PTPRM: variants seen among roughly 807,000 people sequenced by gnomAD.
The protein encoded by PTPRM is receptor-type tyrosine-protein phosphatase mu.
A neutral mutation model predicts 186.7 loss-of-function variants in PTPRM; 47 were observed. The observed-to-expected ratio is 0.25, with a 90% confidence interval of 0.20 to 0.32. PTPRM has a LOEUF of 0.32. Among genes scored for constraint, PTPRM ranks in the 10% least tolerant of loss-of-function variants. PTPRM has a pLI of 1.00. For synonymous variants in PTPRM, 668 were observed against 674.9 expected (o/e 0.99, Z 0.16); for missense variants, 1,494 against 1,865.0 (o/e 0.80, Z 3.66).
intron 20 of PTPRM, among the ~76,000 whole-genome samples, chr18:8,304,482 T>C (rs377584671): frequency 6.6e-6 from 1 of 152,184 alleles, no homozygotes; most frequent in Non-Finnish European, 1.5e-5. Context: ...CTGTTTCATC[T>C]AGTAAAGGCT....
intron 3 of PTPRM, among the ~76,000 whole-genome samples, chr18:7,901,737 A>C (rs1417169922): frequency 1.3e-5 from 2 of 152,234 alleles, no homozygotes; most frequent in African/African-American, 4.8e-5. Context: ...TGGGTGTTTA[A>C]AATAGGTAAT....
chr18:7,889,953 C>T (rs2048985224), intron 3 of PTPRM, among the ~76,000 whole-genome samples: 1 of 152,190 alleles, frequency 6.6e-6, no homozygotes, highest in Non-Finnish European at 1.5e-5. Context: ...GGCCCATGGA[C>T]ATTCAGAAGT....
At position 8,387,078 on chromosome 18, in the gene PTPRM, G is replaced by A. The variant is rs2095780088; in HGVS notation, c.4051G>A (p.Asp1351Asn). 6.2e-7 allele frequency: 1 copy of A among 1,605,296 alleles called. No individual in the cohort carries two copies. ...GTTGCCTTGTTCTTCGTAGCCCCAA[G>A]ATGGATATCGGATGGTGCAGCAATT... ...FRIYNAARPQ[D>N]GYRMVQQFQF... Residue 1351 changes from aspartate to asparagine, a missense_variant, in exon 31 of 33, where the codon GAT (aspartate) becomes AAT (asparagine). Asp to Asn is a conservative substitution (Grantham distance 23). Around this residue, in one of 3 missense-constraint regions of PTPRM, gnomAD observed 1,107 missense variants for 1,350.2 expected, o/e 0.82. Coordinates refer to ENST00000580170, the MANE Select transcript of PTPRM (RefSeq NM_001105244.2).
intron 2 of PTPRM, among the ~76,000 whole-genome samples, chr18:7,812,276 A>G (rs933619472): frequency 1.3e-5 from 2 of 152,132 alleles, no homozygotes; most frequent in Non-Finnish European, 2.9e-5. Flanking sequence ...CATTTTAAAA[A>G]ACCGGTTTTG....
intron 7 of PTPRM, among the ~76,000 whole-genome samples, chr18:8,052,521 G>C (rs2087581399): frequency 6.6e-6 from 1 of 152,170 alleles, no homozygotes. Context: ...TATAGCCTGG[G>C]TGTGGAGTAG....
chr18:8,001,984 TTAAG>T (rs1392513733), intron 7 of PTPRM, among the ~76,000 whole-genome samples: 8 of 152,358 alleles, frequency 5.3e-5, no homozygotes, highest in African/African-American at 1.7e-4. Flanking sequence ...GCTAATGCCA[TTAAG>T]TTTCAGAACT....
intron 2 of PTPRM, among the ~76,000 whole-genome samples, chr18:7,840,243 G>A (rs1012906570): frequency 1.3e-5 from 2 of 152,126 alleles, no homozygotes; most frequent in Non-Finnish European, 2.9e-5. Flanking sequence ...CTTTTTTAGT[G>A]TAGATAGGTG....
intron 1 of PTPRM, among the ~76,000 whole-genome samples, chr18:7,616,719 C>G (rs1445583990): frequency 6.6e-6 from 1 of 152,158 alleles, no homozygotes; most frequent in African/African-American, 2.4e-5. Context: ...AAGCTGCAGC[C>G]AGTTTGTGCT....
chr18:8,120,970 AG>A (rs1314703685), intron 13 of PTPRM, among the ~76,000 whole-genome samples: 1 of 152,224 alleles, frequency 6.6e-6, no homozygotes, highest in Admixed American at 6.5e-5. Flanking sequence ...TAACCATCTT[AG>A]AAATAACATT....
intron 3 of PTPRM, among the ~76,000 whole-genome samples, chr18:7,904,057 CTAA>C (rs1219326205): frequency 2.8e-4 from 43 of 152,170 alleles, no homozygotes; most frequent in African/African-American, 8.7e-4. Context: ...TTCGTATGAA[CTAA>C]TGAGATAATG....
At chr18:7,995,865 TG>T (rs1309123108) in intron 7 of PTPRM, 1 of 152,192 alleles carries the variant, frequency 6.6e-6, no homozygotes, top group Non-Finnish European at 1.5e-5. Flanking sequence ...GCAGGCAAAT[TG>T]TTTTGAGAAC....
intron 2 of PTPRM, among the ~76,000 whole-genome samples, chr18:7,876,706 T>G (rs1200852939): frequency 6.6e-6 from 1 of 152,238 alleles, no homozygotes; most frequent in East Asian, 1.9e-4. Context: ...CTCTGCTATC[T>G]TAGGTTTATT....
intron 1 of PTPRM, among the ~76,000 whole-genome samples, chr18:7,675,734 C>T (rs924272565): frequency 4.3e-5 from 6 of 139,576 alleles, no homozygotes; most frequent in Non-Finnish European, 1.5e-5. Flanking sequence ...CTTTTTCATT[C>T]AGCATTTTTT....
chr18:7,793,439 A>T (rs1489822259), intron 2 of PTPRM, among the ~76,000 whole-genome samples: 2 of 152,182 alleles, frequency 1.3e-5, no homozygotes, highest in Non-Finnish European at 2.9e-5. Flanking sequence ...TACTACTTTT[A>T]ATATTGTATC....
intron 14 of PTPRM, among the ~76,000 whole-genome samples, chr18:8,185,196 C>G (rs1285752189): frequency 6.6e-6 from 1 of 152,160 alleles, no homozygotes; most frequent in African/African-American, 2.4e-5. Context: ...ATCCTTCTAT[C>G]CATGCCAAAT....
intron 14 of PTPRM, among the ~76,000 whole-genome samples, chr18:8,222,075 T>C (rs146773917): frequency 3.4e-4 from 52 of 152,360 alleles, no homozygotes; most frequent in African/African-American, 1.2e-3. Flanking sequence ...AATTCAAGAA[T>C]CATTCTTTGC....
intron 5 of PTPRM, among the ~76,000 whole-genome samples, chr18:7,946,449 TTCAAAAACCAGAG>T (rs1568053244): frequency 6.6e-6 from 1 of 152,166 alleles, no homozygotes; most frequent in African/African-American, 2.4e-5. Context: ...TTCTTTTCCC[TTCAAAAACCAGAG>T]ATGTGGTTCT....
chr18:7,868,353 G>A (rs1440915730), intron 2 of PTPRM, among the ~76,000 whole-genome samples: 3 of 151,822 alleles, frequency 2.0e-5, no homozygotes, highest in Non-Finnish European at 4.4e-5. Flanking sequence ...GGTCTTTGAT[G>A]TTGGTTGGCC....
chr18:8,143,613 C>T (rs2092813609), intron 13 of PTPRM, 34 bp from the exon 14 acceptor site: 2 of 1,563,186 alleles, frequency 1.3e-6, no homozygotes, highest in East Asian at 2.2e-5. Context: ...CTCTTACCTA[C>T]AGTCTCTCCT....
Sources: gnomAD v4.1 joint callset for allele counts (sites outside exome capture counted in the v4.1 genomes callset) on GRCh38, gnomAD v4.1.1 for gene constraint, gnomAD v4.1.1 regional missense constraint, MANE v1.5 for transcripts, NCBI Gene and HGNC (gene_info 2026-07-23, HGNC 2026-07-21) for gene names.